Variants in ULK4 observed in about 807,000 individuals in gnomAD.
ULK4 encodes unc-51 like kinase 4.
Under a neutral mutation model 160.6 loss-of-function variants are expected in ULK4, and 133 were observed. The ratio of observed to expected loss-of-function variants is 0.83; its 90% confidence interval spans 0.72 to 0.96. ULK4 has a LOEUF of 0.96. Ranked by LOEUF, ULK4 falls within the 40% of genes least tolerant of loss-of-function variation. ULK4 has a pLI of 0.00. For synonymous variants in ULK4, 534 were observed against 539.8 expected (o/e 0.99, Z 0.15); for missense variants, 1,580 against 1,499.5 (o/e 1.05, Z -0.89).
rs184794613 is a variant in ULK4, at chr3:41,939,395, A to C, written c.139-1198T>G. On this transcript the variant is annotated intron_variant, in intron 2 of 36. Coordinates refer to ENST00000301831, the MANE Select transcript of ULK4 (RefSeq NM_017886.4). ...GGCTGGTCTTGAACTCCTGACCTCA[A>C]GTGATCCACCCGCCTTGGCCTCCCA... is the stretch of plus-strand genomic sequence containing the variant. Among the ~76,000 whole-genome samples the C allele has an allele frequency of 3.5e-3, 529 of 152,120 alleles. 2 individuals are homozygous for C. Among genetic ancestry groups the C allele is most frequent in the African/African-American group, 0.012 (501 of 41,510 alleles).
At chr3:41,289,038 G>A (rs1309956603) in intron 35 of ULK4, among the ~76,000 whole-genome samples, 3 of 152,190 alleles carry the variant, frequency 2.0e-5, no homozygotes, top group East Asian at 3.9e-4. Flanking sequence ...AGAGCGCCAC[G>A]GGGAGCGGCA....
chr3:41,935,954 A>G lies in ULK4; in HGVS notation c.239-14T>C. 1.2e-6 allele frequency: 2 copies of G among 1,611,200 alleles called. No individual in the cohort carries two copies. Among genetic ancestry groups the G allele is most frequent in the Non-Finnish European group, 8.5e-7 (1 of 1,179,318 alleles). ...TTAAGGAACCACCTGCAAGAGGTTG[A>G]TTAAAATCACCCATTTCAACCCCCT... On this transcript the variant is annotated splice_polypyrimidine_tract_variant and intron_variant, in intron 3 of 36. Coordinates refer to ENST00000301831, the MANE Select transcript of ULK4 (RefSeq NM_017886.4).
At chr3:41,685,956 T>C (rs770268336) in intron 27 of ULK4, among the ~76,000 whole-genome samples, 1 of 152,182 alleles carries the variant, frequency 6.6e-6, no homozygotes, top group African/African-American at 2.4e-5. Flanking sequence ...ATTCAAAAAA[T>C]ATTTAATTTA....
chr3:41,652,580 C>A (rs570238853), intron 30 of ULK4, among the ~76,000 whole-genome samples: 41 of 152,228 alleles, frequency 2.7e-4, no homozygotes, highest in Admixed American at 2.2e-3. Context: ...AGAGGCTGAA[C>A]TGAACAAGGA....
At chr3:41,473,887 GAATT>G (rs2084064348) in intron 32 of ULK4, among the ~76,000 whole-genome samples, 1 of 152,006 alleles carries the variant, frequency 6.6e-6, no homozygotes, top group Non-Finnish European at 1.5e-5. Flanking sequence ...TGGATTGGAG[GAATT>G]AATATTGTTA....
intron 31 of ULK4, among the ~76,000 whole-genome samples, chr3:41,592,700 A>G (rs1285720147): frequency 1.3e-5 from 2 of 152,254 alleles, no homozygotes; most frequent in African/African-American, 4.8e-5. Flanking sequence ...AAACAGAAAC[A>G]TTGAGAATTA....
At chr3:41,946,416 T>C (rs985192972) in intron 2 of ULK4, among the ~76,000 whole-genome samples, 8 of 152,202 alleles carry the variant, frequency 5.3e-5, no homozygotes, top group African/African-American at 1.9e-4. Flanking sequence ...CAGGAGGCAC[T>C]TTCTGGAGGA....
At chr3:41,540,414 C>A (rs1304105219) in intron 32 of ULK4, among the ~76,000 whole-genome samples, 4 of 152,180 alleles carry the variant, frequency 2.6e-5, no homozygotes, top group African/African-American at 9.7e-5. Context: ...ATATGTGCCA[C>A]ATTTTCTTTA....
At chr3:41,824,038 T>C (rs1014858822) in intron 18 of ULK4, among the ~76,000 whole-genome samples, 2 of 151,804 alleles carry the variant, frequency 1.3e-5, no homozygotes, top group African/African-American at 4.8e-5. Context: ...TGGTGTACAC[T>C]TGAAGTCCAA....
At chr3:41,602,284 A>C (rs951268453) in intron 31 of ULK4, among the ~76,000 whole-genome samples, 1 of 121,134 alleles carries the variant, frequency 8.3e-6, no homozygotes, top group Non-Finnish European at 1.7e-5. Context: ...AGGAAAGGAA[A>C]GGAAAGGAAA....
chr3:41,435,512 C>T (rs1317990730), intron 34 of ULK4, among the ~76,000 whole-genome samples: 2 of 152,048 alleles, frequency 1.3e-5, no homozygotes, highest in Non-Finnish European at 2.9e-5. Flanking sequence ...TAGGTGTGGC[C>T]CAAAATAACT....
chr3:41,824,610 G>A (rs1446988202), intron 18 of ULK4, among the ~76,000 whole-genome samples: 1 of 152,214 alleles, frequency 6.6e-6, no homozygotes, highest in East Asian at 1.9e-4. Context: ...CAGCAGCGAT[G>A]CTGGGGGAGG....
rs1237137738 is a variant in ULK4, at chr3:41,835,856, A to T, written c.1764+8T>A. 1 of 1,569,702 alleles carries T rather than the reference A, an allele frequency of 6.4e-7. No individual in the cohort carries two copies. The highest frequency in any genetic ancestry group is 8.7e-7 in the Non-Finnish European group (1 of 1,144,664). The stretch of plus-strand genomic sequence containing the variant: ...CAAACAGCAACAGAGTTAATCAGAC[A>T]GTCTCACCTGGGTGGCTACAAGATA... On this transcript the variant is annotated splice_region_variant and intron_variant, in intron 18 of 36. Transcript: ENST00000301831.
intron 34 of ULK4, among the ~76,000 whole-genome samples, chr3:41,399,651 G>T (rs559585110): frequency 6.6e-6 from 1 of 152,152 alleles, no homozygotes; most frequent in African/African-American, 2.4e-5. Context: ...ATAGCTTACT[G>T]CAGCCTCAAC....
intron 30 of ULK4, among the ~76,000 whole-genome samples, chr3:41,644,060 T>C (rs966255936): frequency 6.6e-6 from 1 of 152,226 alleles, no homozygotes; most frequent in Non-Finnish European, 1.5e-5. Context: ...GAGACTTTGC[T>C]GAAGTTGCTT....
intron 35 of ULK4, among the ~76,000 whole-genome samples, chr3:41,282,779 C>A (rs886069239): frequency 2.0e-5 from 3 of 152,122 alleles, no homozygotes; most frequent in Non-Finnish European, 4.4e-5. Context: ...GCAATGGCAA[C>A]AAAAGCCAAA....
At chr3:41,913,953 A>AC (rs1286817279) in intron 8 of ULK4, among the ~76,000 whole-genome samples, 2 of 152,194 alleles carry the variant, frequency 1.3e-5, no homozygotes, top group Admixed American at 1.3e-4. Context: ...ACAGAGTGAG[A>AC]CCCCGTCTCC....
intron 34 of ULK4, among the ~76,000 whole-genome samples, chr3:41,453,685 T>C (rs75441547): frequency 1.3e-5 from 2 of 152,136 alleles, no homozygotes; most frequent in East Asian, 1.9e-4. Flanking sequence ...CAGAGCTAAA[T>C]TGAGCCCATG....
At chr3:41,836,834 A>G (rs1490203969) in intron 17 of ULK4, among the ~76,000 whole-genome samples, 3 of 152,190 alleles carry the variant, frequency 2.0e-5, no homozygotes, top group East Asian at 3.9e-4. Flanking sequence ...AATCACATAC[A>G]CTCATTGCCA....
Sources: allele counts gnomAD v4.1 joint callset (sites outside exome capture counted in the v4.1 genomes callset), GRCh38; gene constraint gnomAD v4.1.1; transcripts MANE v1.5; gene names NCBI Gene and HGNC (gene_info 2026-07-23, HGNC 2026-07-21).